The following UBXN7 variants were observed in gnomAD, a reference collection of about 807,000 sequenced individuals.
UBXN7 encodes UBX domain-containing protein 7.
A neutral mutation model predicts 58.0 loss-of-function variants in UBXN7; 9 were observed. The observed-to-expected ratio is 0.16, with a 90% CI of 0.09 to 0.27. UBXN7 has a LOEUF of 0.27. Ranked by LOEUF, UBXN7 falls within the 10% of genes least tolerant of loss-of-function variation. The pLI is 1.00. For synonymous variants in UBXN7, 208 were observed against 205.0 expected (o/e 1.01, Z -0.12); for missense variants, 328 against 599.6 (o/e 0.55, Z 4.73).
intron 5 of UBXN7, among the ~76,000 whole-genome samples, chr3:196,374,591 C>T (rs1728937683): frequency 6.6e-6 from 1 of 151,346 alleles, no homozygotes. Flanking sequence ...ATAAAAGAGT[C>T]TTGAATAGGC....
chr3:196,396,762 CA>C (rs953966606), intron 3 of UBXN7, among the ~76,000 whole-genome samples: 3 of 150,990 alleles, frequency 2.0e-5, no homozygotes, highest in Non-Finnish European at 4.4e-5. Flanking sequence ...GACTCCATCT[CA>C]AAAAAAATAA....
chr3:196,402,879 A>C, intron 3 of UBXN7, 73 bp downstream of exon 3: 8 of 1,507,368 alleles, frequency 5.3e-6, no homozygotes, highest in Non-Finnish European at 7.2e-6. Flanking sequence ...GCAAGCCTTC[A>C]CATCTTTTGA....
intron 5 of UBXN7, among the ~76,000 whole-genome samples, chr3:196,384,657 A>C (rs1577450200): frequency 6.6e-6 from 1 of 152,296 alleles, no homozygotes; most frequent in South Asian, 2.1e-4. Context: ...TATGCAAATC[A>C]ATAAACATAA....
intron 10 of UBXN7, among the ~76,000 whole-genome samples, chr3:196,360,714 A>T (rs1320363732): frequency 6.6e-6 from 1 of 152,212 alleles, no homozygotes; most frequent in Non-Finnish European, 1.5e-5. Context: ...TCAAGGAGTC[A>T]TTTCAACTTT....
Position 196,356,626 on chromosome 3 carries a change from C to T in UBXN7, c.*59G>A. ...ATGAGCCAAAATGCATACTTAGTGA[C>T]ATGTATCTCACAGGAAAAGGGAAAA... On this transcript the variant is annotated 3_prime_UTR_variant, in exon 11 of 11. Coordinates refer to ENST00000296328, the MANE Select transcript of UBXN7 (RefSeq NM_015562.2). The T allele has an allele frequency of 2.6e-6, 4 of 1,532,968 alleles. No homozygotes were observed. Among genetic ancestry groups the T allele is most frequent in the Non-Finnish European group, 3.5e-6 (4 of 1,147,048 alleles). 95.0% of individuals were successfully genotyped at this position (1,532,968 alleles called of 1,614,324 possible). A position where few individuals can be genotyped will look rare whatever the true frequency, so the allele number is the denominator to read the frequency against.
chr3:196,431,206 T>C (rs773205711), intron 1 of UBXN7, among the ~76,000 whole-genome samples: 1 of 152,156 alleles, frequency 6.6e-6, no homozygotes, highest in Non-Finnish European at 1.5e-5. Flanking sequence ...AATTACGAGA[T>C]AAAGTATAGA....
At chr3:196,396,770 A>G (rs909780846) in intron 3 of UBXN7, among the ~76,000 whole-genome samples, 2 of 152,194 alleles carry the variant, frequency 1.3e-5, no homozygotes, top group African/African-American at 4.8e-5. Flanking sequence ...CTCAAAAAAA[A>G]TAAAAAATAA....
At chr3:196,427,855 A>G (rs971449848) in intron 1 of UBXN7, among the ~76,000 whole-genome samples, 1 of 152,198 alleles carries the variant, frequency 6.6e-6, no homozygotes, top group African/African-American at 2.4e-5. Context: ...GGCCGGTTGC[A>G]GTGGCTCACG....
intron 3 of UBXN7, among the ~76,000 whole-genome samples, chr3:196,401,823 G>GAGAGAAGAGAAGAGAAGAGAAGAGA (rs56069211): frequency 0.12 from 14,076 of 120,028 alleles, 1,352 homozygotes; most frequent in East Asian, 0.37. Context: ...GAAAAGAGAA[G>GAGAGAAGAGAAGAGAAGAGAAGAGA]AGAGAAGAGA....
chr3:196,384,458 A>T (rs1729311317), intron 5 of UBXN7, among the ~76,000 whole-genome samples: 2 of 152,206 alleles, frequency 1.3e-5, no homozygotes, highest in African/African-American at 4.8e-5. Context: ...TATGAGGCCA[A>T]CATCATCCTG....
At position 196,356,034 on chromosome 3, in the gene UBXN7, AAC is replaced by A. The variant is rs1438562640; in HGVS notation, c.*649_*650del. The A allele has an allele frequency of 1.5e-5, 2 of 133,166 alleles. No individual in the cohort carries two copies. Among genetic ancestry groups the A allele is most frequent in the African/African-American group, 5.1e-5 (2 of 39,550 alleles). The allele number at this position is 133,166 out of a possible 1,614,324, so 8.2% of individuals were successfully genotyped here. A position where few individuals can be genotyped will look rare whatever the true frequency, so the allele number is the denominator to read the frequency against. On this transcript the variant is annotated 3_prime_UTR_variant, in exon 11 of 11. Transcript: ENST00000296328. ...CATATTTAACACTCATTCTGCCAAT[AAC>A]ACATGTCATGGAAATAGTCCTTATA...
chr3:196,361,993 A>C (rs1184525818), intron 9 of UBXN7, 70 bp from the exon 10 acceptor site: 38 of 1,389,444 alleles, frequency 2.7e-5, no homozygotes, highest in Non-Finnish European at 3.4e-5. Context: ...TAGTTTAAAT[A>C]AATATGTAAA....
At chr3:196,377,843 T>A (rs937944543) in intron 5 of UBXN7, among the ~76,000 whole-genome samples, 1 of 151,920 alleles carries the variant, frequency 6.6e-6, no homozygotes, top group Non-Finnish European at 1.5e-5. Context: ...GCTAATTTTT[T>A]CGACTTTTTG....
rs867341217 is a variant in UBXN7 at position 196,412,453 on chromosome 3, G to A, written c.74-5060C>T. ...AATAACAAGTGTGGGTGAGCATGTG[G>A]AGAAACTGGAACCACCATGCACTCT... is the stretch of plus-strand genomic sequence containing the variant. On this transcript the variant is annotated intron_variant, in intron 1 of 10. Transcript: ENST00000296328. Among the ~76,000 whole-genome samples the A allele has an allele frequency of 2.0e-5, 3 of 152,102 alleles. No homozygotes were observed. In the South Asian group the frequency reaches 6.2e-4, roughly 32 times the overall value.
Position 196,354,048 on chromosome 3 carries a change from TC to T in UBXN7, c.*2636del, listed in dbSNP as rs1728281103. ...GAAGCATACTGTCAGCGGATTAAAT[TC>T]TTGAGCAAGGCAATACTCCTTATGG... On this transcript the variant is annotated 3_prime_UTR_variant, in exon 11 of 11. Coordinates refer to ENST00000296328, the MANE Select transcript of UBXN7 (RefSeq NM_015562.2). The T allele has an allele frequency of 6.6e-6, 1 of 152,190 alleles. No individual in the cohort carries two copies. Among genetic ancestry groups the T allele is most frequent in the Non-Finnish European group, 1.5e-5 (1 of 68,036 alleles). 9.4% of individuals were successfully genotyped at this position (152,190 alleles called of 1,614,324 possible).
Position 196,354,849 on chromosome 3 carries a change from A to G in UBXN7, c.*1836T>C, listed in dbSNP as rs1223843955. On this transcript the variant is annotated 3_prime_UTR_variant, in exon 11 of 11. Transcript: ENST00000296328. ...GAAATGAAACCGTAATTATATAAATATATTTATAAATATTTATACAATTAT... is the reference window on the plus strand; with the variant it reads ...GAAATGAAACCGTAATTATATAAATGTATTTATAAATATTTATACAATTAT... 1 of 151,254 alleles carries G rather than the reference A, an allele frequency of 6.6e-6. No homozygotes were observed. Among genetic ancestry groups the G allele is most frequent in the South Asian group, 2.1e-4 (1 of 4,834 alleles). The allele number at this position is 151,254 out of a possible 1,614,324, so 9.4% of individuals were successfully genotyped here. A position where few individuals can be genotyped will look rare whatever the true frequency, so the allele number is the denominator to read the frequency against.
intron 1 of UBXN7, among the ~76,000 whole-genome samples, chr3:196,413,820 T>C (rs548201351): frequency 6.6e-5 from 10 of 152,292 alleles, no homozygotes; most frequent in African/African-American, 2.4e-4. Context: ...AAGTTCTTCA[T>C]ATAAAATGGT....
At chr3:196,380,553 G>A (rs953157698) in intron 5 of UBXN7, among the ~76,000 whole-genome samples, 1 of 152,212 alleles carries the variant, frequency 6.6e-6, no homozygotes, top group African/African-American at 2.4e-5. Context: ...GCAGCTCCCA[G>A]CATGATCAAT....
At chr3:196,359,877 G>A (rs1445188812) in intron 10 of UBXN7, among the ~76,000 whole-genome samples, 1 of 151,572 alleles carries the variant, frequency 6.6e-6, no homozygotes, top group Non-Finnish European at 1.5e-5. Context: ...TTGTACTCTA[G>A]CCTGGGTGAC....
Sources: gnomAD v4.1 joint callset for allele counts (sites outside exome capture counted in the v4.1 genomes callset) on GRCh38, gnomAD v4.1.1 for gene constraint, MANE v1.5 for transcripts, NCBI Gene and HGNC (gene_info 2026-07-23, HGNC 2026-07-21) for gene names.